The following RBFOX1 variants were observed in gnomAD, a reference collection of about 807,000 sequenced individuals.
RBFOX1 encodes RNA binding protein fox-1 homolog 1.
In RBFOX1, 8 loss-of-function variants were observed where a neutral mutation model predicts 57.7. The observed-to-expected ratio is 0.14, with a 90% CI of 0.08 to 0.25. The LOEUF is 0.25. RBFOX1 is among the 10% of genes least tolerant of loss of function. The pLI, the probability that RBFOX1 is intolerant of heterozygous loss-of-function variation, is 1.00. For synonymous variants in RBFOX1, 326 were observed against 222.4 expected (o/e 1.47, Z -4.15); for missense variants, 611 against 548.5 (o/e 1.11, Z -1.14).
At chr16:7,362,845 G>T (rs2146759036) in intron 4 of RBFOX1, among the ~76,000 whole-genome samples, 1 of 152,278 alleles carries the variant, frequency 6.6e-6, no homozygotes, top group East Asian at 1.9e-4. Context: ...AAGACAGCAT[G>T]TACGTTTTAT....
chr16:6,486,082 C>CTTT lies in RBFOX1; in HGVS notation c.-63-168498_-63-168496dup, dbSNP rs71145234. 2.7e-3 allele frequency among the ~76,000 whole-genome samples: 168 copies of CTTT among 62,960 alleles called. 5 individuals are homozygous for CTTT. Among genetic ancestry groups the CTTT allele is most frequent in the African/African-American group, 7.9e-3 (113 of 14,340 alleles). 41.3% of individuals were successfully genotyped at this position (62,960 alleles called of 152,430 possible). A position where few individuals can be genotyped will look rare whatever the true frequency, so the allele number is the denominator to read the frequency against. ...AGTTGAAGGAGATCTCAGTAAAAGG[C>CTTT]TTTTTTTTTTTTTTTTTTTTTTTTT... On this transcript the variant is annotated intron_variant, in intron 2 of 15. Coordinates refer to ENST00000550418, the MANE Select transcript of RBFOX1 (RefSeq NM_018723.4).
chr16:7,092,900 G>C (rs13337244), intron 4 of RBFOX1, among the ~76,000 whole-genome samples: 4 of 152,082 alleles, frequency 2.6e-5, no homozygotes, highest in African/African-American at 7.3e-5. Flanking sequence ...TGGTGCACTG[G>C]AGGCCTAAGT....
intron 1 of RBFOX1, among the ~76,000 whole-genome samples, chr16:6,238,407 G>A (rs1344871017): frequency 6.6e-6 from 1 of 152,106 alleles, no homozygotes; most frequent in African/African-American, 2.4e-5. Context: ...TCTGATACTG[G>A]AGAATTTAAA....
At chr16:5,734,807 A>T (rs180954243) in intron 3 of RBFOX1, among the ~76,000 whole-genome samples, 2 of 152,226 alleles carry the variant, frequency 1.3e-5, no homozygotes, top group Non-Finnish European at 2.9e-5. Flanking sequence ...GTGGGAGCTC[A>T]TCCAAGAAGG....
chr16:5,663,413 C>T (rs1038463427), intron 3 of RBFOX1, among the ~76,000 whole-genome samples: 5 of 151,536 alleles, frequency 3.3e-5, no homozygotes, highest in Admixed American at 2.0e-4. Flanking sequence ...CTATGTTGGC[C>T]AGGCTGTCCT....
At chr16:6,208,547 A>C (rs922274818) in intron 1 of RBFOX1, among the ~76,000 whole-genome samples, 1 of 152,136 alleles carries the variant, frequency 6.6e-6, no homozygotes, top group African/African-American at 2.4e-5. Flanking sequence ...TACAGACACA[A>C]TTCTCTCCCC....
chr16:6,031,552 T>TATGTGCACATGAGTGG (rs2095289693), intron 1 of RBFOX1, among the ~76,000 whole-genome samples: 1 of 151,922 alleles, frequency 6.6e-6, no homozygotes, highest in Non-Finnish European at 1.5e-5. Flanking sequence ...TGTACACTTG[T>TATGTGCACATGAGTGG]ATGTGCACAT....
intron 2 of RBFOX1, among the ~76,000 whole-genome samples, chr16:6,603,154 A>T (rs775630234): frequency 2.0e-5 from 3 of 152,212 alleles, no homozygotes; most frequent in Non-Finnish European, 4.4e-5. Flanking sequence ...CTAAAGAGAG[A>T]CCACAGAAAG....
intron 2 of RBFOX1, among the ~76,000 whole-genome samples, chr16:6,608,090 T>C (rs964038865): frequency 6.6e-6 from 1 of 152,164 alleles, no homozygotes; most frequent in Admixed American, 6.5e-5. Context: ...TGAGACAATG[T>C]CTCATAGCAC....
intron 2 of RBFOX1, among the ~76,000 whole-genome samples, chr16:6,571,115 G>A (rs1600198820): frequency 1.3e-5 from 2 of 152,310 alleles, no homozygotes; most frequent in East Asian, 3.9e-4. Context: ...GGTCCTCAGG[G>A]AGAATATCTT....
At chr16:7,479,488 A>G (rs1016552983) in intron 4 of RBFOX1, among the ~76,000 whole-genome samples, 4 of 152,122 alleles carry the variant, frequency 2.6e-5, no homozygotes, top group Non-Finnish European at 4.4e-5. Context: ...CCTTGCTTGC[A>G]GGACACCTGA....
At chr16:6,182,710 C>T (rs941187099) in intron 1 of RBFOX1, among the ~76,000 whole-genome samples, 1 of 152,092 alleles carries the variant, frequency 6.6e-6, no homozygotes, top group Non-Finnish European at 1.5e-5. Context: ...CATATTCTGA[C>T]CACCTGTGGA....
chr16:7,450,177 C>T (rs992894907), intron 4 of RBFOX1, among the ~76,000 whole-genome samples: 1 of 152,014 alleles, frequency 6.6e-6, no homozygotes, highest in Non-Finnish European at 1.5e-5. Context: ...GGGTGGATCA[C>T]AAGGTCAGGG....
intron 3 of RBFOX1, among the ~76,000 whole-genome samples, chr16:6,849,250 T>C (rs1027789971): frequency 1.3e-5 from 2 of 152,208 alleles, no homozygotes; most frequent in African/African-American, 4.8e-5. Context: ...ACTGAGGAAG[T>C]CTTTCCGTGG....
At chr16:6,004,420 G>T (rs192704365) in intron 4 of RBFOX1, among the ~76,000 whole-genome samples, 96 of 152,300 alleles carry the variant, frequency 6.3e-4, no homozygotes, top group Non-Finnish European at 1.1e-3. Context: ...ATTTAGGAAA[G>T]TGTACATAGG....
intron 4 of RBFOX1, among the ~76,000 whole-genome samples, chr16:5,958,293 G>T (rs922407763): frequency 2.0e-5 from 3 of 152,172 alleles, no homozygotes; most frequent in African/African-American, 7.2e-5. Flanking sequence ...TTTGCTAATT[G>T]TATCACACTT....
intron 2 of RBFOX1, among the ~76,000 whole-genome samples, chr16:5,579,097 C>T (rs1251336935): frequency 6.6e-6 from 1 of 152,120 alleles, no homozygotes; most frequent in Non-Finnish European, 1.5e-5. Context: ...ATCCCACTGC[C>T]TCAGCCTCCC....
chr16:7,118,544 A>G (rs1363399910), intron 4 of RBFOX1, among the ~76,000 whole-genome samples: 1 of 152,138 alleles, frequency 6.6e-6, no homozygotes, highest in Non-Finnish European at 1.5e-5. Flanking sequence ...TCATCCATGT[A>G]AGCAAAAGCC....
At chr16:6,533,500 C>G (rs2345020) in intron 2 of RBFOX1, among the ~76,000 whole-genome samples, 75,395 of 152,028 alleles carry the variant, frequency 0.5, 18,874 homozygotes, top group East Asian at 0.68. Context: ...TTGACACAGC[C>G]TCCAGGGATG....
Sources: allele counts gnomAD v4.1 joint callset (sites outside exome capture counted in the v4.1 genomes callset), GRCh38; gene constraint gnomAD v4.1.1; transcripts MANE v1.5; gene names NCBI Gene and HGNC (gene_info 2026-07-23, HGNC 2026-07-21).